The following RIT2 variants were observed in gnomAD, a reference collection of about 807,000 sequenced individuals.
The protein encoded by RIT2 is Ras like without CAAX 2.
A neutral mutation model predicts 23.7 loss-of-function variants in RIT2; 24 were observed. The ratio of observed to expected loss-of-function variants is 1.01; its 90% CI spans 0.73 to 1.43. The LOEUF is 1.43. Ranked by LOEUF, RIT2 falls within the 40% of genes most tolerant of loss-of-function variation. The pLI, the probability that RIT2 is intolerant of heterozygous loss-of-function variation, is 0.00. For synonymous variants in RIT2, 107 were observed against 91.1 expected (o/e 1.17, Z -0.99); for missense variants, 236 against 266.9 (o/e 0.88, Z 0.81).
chr18:42,791,889 G>T (rs540239211), intron 4 of RIT2, among the ~76,000 whole-genome samples: 6 of 152,198 alleles, frequency 3.9e-5, no homozygotes, highest in African/African-American at 1.4e-4. Flanking sequence ...GCCTTCTACT[G>T]GTCTCAGTAA....
intron 2 of RIT2, among the ~76,000 whole-genome samples, chr18:43,024,864 A>G (rs1274072796): frequency 6.6e-6 from 1 of 152,072 alleles, no homozygotes; most frequent in African/African-American, 2.4e-5. Context: ...AGAGGAATGC[A>G]AATTAGAACA....
At chr18:42,971,198 A>G (rs953674847) in intron 3 of RIT2, among the ~76,000 whole-genome samples, 3 of 152,056 alleles carry the variant, frequency 2.0e-5, no homozygotes, top group Non-Finnish European at 4.4e-5. Context: ...AAGAATTTCA[A>G]TGGTGTTCTC....
chr18:42,993,412 C>A (rs1235411439), intron 2 of RIT2, among the ~76,000 whole-genome samples: 1 of 152,170 alleles, frequency 6.6e-6, no homozygotes, highest in East Asian at 1.9e-4. Context: ...CTTCAGGTAA[C>A]TCTCATGGTG....
At chr18:42,956,598 T>C (rs1252039647) in intron 3 of RIT2, among the ~76,000 whole-genome samples, 62 of 152,152 alleles carry the variant, frequency 4.1e-4, no homozygotes, top group Non-Finnish European at 1.5e-5. Flanking sequence ...ACAAGAGAAA[T>C]GCATCTGTGG....
intron 4 of RIT2, among the ~76,000 whole-genome samples, chr18:42,889,150 T>C (rs1053068967): frequency 3.9e-5 from 6 of 152,206 alleles, no homozygotes; most frequent in South Asian, 2.1e-4. Flanking sequence ...GTCAATTGTA[T>C]CTGTTATATA....
intron 4 of RIT2, among the ~76,000 whole-genome samples, chr18:42,865,601 C>T (rs1320829456): frequency 6.6e-6 from 1 of 151,988 alleles, no homozygotes; most frequent in Non-Finnish European, 1.5e-5. Flanking sequence ...CTCTATCTTC[C>T]AGTATTGGAT....
intron 4 of RIT2, among the ~76,000 whole-genome samples, chr18:42,800,518 CTT>C (rs147481524): frequency 1.4e-5 from 2 of 144,484 alleles, no homozygotes; most frequent in Non-Finnish European, 3.0e-5. Context: ...CAGTTACATT[CTT>C]TTTTTTTTTT....
At chr18:42,860,201 T>C (rs966624553) in intron 4 of RIT2, among the ~76,000 whole-genome samples, 1 of 152,154 alleles carries the variant, frequency 6.6e-6, no homozygotes, top group Non-Finnish European at 1.5e-5. Flanking sequence ...GCTGTAGAGA[T>C]TAAGTTTCTA....
intron 3 of RIT2, among the ~76,000 whole-genome samples, chr18:42,969,848 A>G (rs1045307961): frequency 1.3e-5 from 2 of 152,058 alleles, no homozygotes; most frequent in African/African-American, 4.8e-5. Context: ...GATCATTTAG[A>G]TATCAAAGAT....
chr18:43,040,425 A>T (rs1255223842), intron 1 of RIT2, among the ~76,000 whole-genome samples: 2 of 152,166 alleles, frequency 1.3e-5, no homozygotes, highest in Non-Finnish European at 2.9e-5. Context: ...GTCAAATGCA[A>T]CATAAGTTAT....
At chr18:42,752,172 T>C (rs1186564999) in intron 4 of RIT2, among the ~76,000 whole-genome samples, 4 of 152,146 alleles carry the variant, frequency 2.6e-5, no homozygotes, top group African/African-American at 9.7e-5. Flanking sequence ...GGAGTAATTT[T>C]TAGGACCACA....
chr18:43,089,714 G>A (rs567178674), intron 1 of RIT2, among the ~76,000 whole-genome samples: 42 of 152,116 alleles, frequency 2.8e-4, no homozygotes, highest in Non-Finnish European at 5.6e-4. Context: ...AAACAGCATG[G>A]AGAACCCAGA....
At chr18:43,100,065 T>C (rs1913646402) in intron 1 of RIT2, among the ~76,000 whole-genome samples, 1 of 152,072 alleles carries the variant, frequency 6.6e-6, no homozygotes, top group Non-Finnish European at 1.5e-5. Context: ...CAACAATAAC[T>C]AGTAACATAA....
At chr18:43,001,862 A>G (rs1911115542) in intron 2 of RIT2, among the ~76,000 whole-genome samples, 2 of 152,032 alleles carry the variant, frequency 1.3e-5, no homozygotes, top group African/African-American at 4.8e-5. Flanking sequence ...AATTAAGATG[A>G]GGAATAACTC....
intron 2 of RIT2, among the ~76,000 whole-genome samples, chr18:42,984,118 T>A (rs1910655844): frequency 6.6e-6 from 1 of 152,154 alleles, no homozygotes; most frequent in African/African-American, 2.4e-5. Flanking sequence ...TTGTTTATCT[T>A]AGTTTTATTC....
chr18:42,756,099 G>T (rs1913157131), intron 4 of RIT2, among the ~76,000 whole-genome samples: 1 of 152,146 alleles, frequency 6.6e-6, no homozygotes, highest in South Asian at 2.1e-4. Flanking sequence ...GAGCACAAGG[G>T]AGAAGAAGTG....
intron 1 of RIT2, among the ~76,000 whole-genome samples, chr18:43,112,822 A>G (rs896725773): frequency 2.0e-5 from 3 of 152,192 alleles, no homozygotes; most frequent in Non-Finnish European, 4.4e-5. Context: ...CCATAAATTT[A>G]GTTTTTAATT....
At position 43,115,622 on chromosome 18, in the gene RIT2, T is replaced by C. The variant is rs1914051947; in HGVS notation, c.-103A>G. ...TAAAACTGTGTCAAAGCAAAGGTTT[T>C]AGTACGAGGTAAGAACCATCAGCGT... On this transcript the variant is annotated 5_prime_UTR_variant, in exon 1 of 5. The change abolishes the stop of an existing upstream ORF in the 5' untranslated region. Transcript: ENST00000326695. The C allele has an allele frequency of 2.1e-6, 3 of 1,460,248 alleles. No individual in the cohort carries two copies. The highest frequency in any genetic ancestry group is 2.7e-6 in the Non-Finnish European group (3 of 1,110,258). 90.5% of individuals were successfully genotyped at this position (1,460,248 alleles called of 1,614,324 possible).
chr18:42,875,294 T>G (rs1248734290), intron 4 of RIT2, among the ~76,000 whole-genome samples: 2 of 150,494 alleles, frequency 1.3e-5, no homozygotes, highest in African/African-American at 4.8e-5. Context: ...AGTTACTTTA[T>G]TTTTTCTAAG....
Sources: allele counts gnomAD v4.1 joint callset (sites outside exome capture counted in the v4.1 genomes callset), GRCh38; gene constraint gnomAD v4.1.1; transcripts MANE v1.5; gene names NCBI Gene and HGNC (gene_info 2026-07-23, HGNC 2026-07-21).